PECAM1: variants seen among roughly 807,000 people sequenced by gnomAD.
The protein encoded by PECAM1 is platelet and endothelial cell adhesion molecule 1.
Under a neutral mutation model 13.8 loss-of-function variants are expected in PECAM1, and 8 were observed. The observed-to-expected ratio is 0.58, with a 90% CI of 0.34 to 1.05. The LOEUF (loss-of-function observed/expected upper bound fraction) is 1.05, where lower values mean the gene tolerates loss of function less well. Among genes scored for constraint, PECAM1 ranks in the 50% least tolerant of loss-of-function variants. The pLI is 0.03. For missense variants in PECAM1, 304 were observed against 141.2 expected, an observed-to-expected ratio of 2.15 and a Z score of -5.84; for synonymous variants, 136 against 52.6, an observed-to-expected ratio of 2.58 and a Z score of -6.86.
At position 64,322,044 on chromosome 17, in the gene PECAM1, G is replaced by C; in HGVS notation, c.*1772C>G. The C allele has an allele frequency of 8.6e-7, 1 of 1,164,228 alleles. No individual in the cohort carries two copies. The highest frequency in any genetic ancestry group is 1.1e-6 in the Non-Finnish European group (1 of 920,496). 72.1% of individuals were successfully genotyped at this position (1,164,228 alleles called of 1,614,324 possible). ...GATACAACTCGGTGTGTGTGTGTTG[G>C]GGAAAGGAACCAACAGCTTTCATCA... On this transcript the variant is annotated 3_prime_UTR_variant, in exon 16 of 16. Transcript: ENST00000563924.
At chr17:64,338,651 G>A (rs909201025) in intron 14 of PECAM1, among the ~76,000 whole-genome samples, 4 of 152,100 alleles carry the variant, frequency 2.6e-5, no homozygotes, top group South Asian at 2.1e-4. Context: ...TCTGCCTCCC[G>A]GGTTCAAGCA....
intron 3 of PECAM1, among the ~76,000 whole-genome samples, chr17:64,375,587 A>G (rs2036338643): frequency 6.6e-6 from 1 of 152,036 alleles, no homozygotes; most frequent in African/African-American, 2.4e-5. Flanking sequence ...CTGGAGGCTG[A>G]GGTGGGTGGA....
chr17:64,333,943 C>A (rs370490002), intron 14 of PECAM1, among the ~76,000 whole-genome samples: 191 of 69,554 alleles, frequency 2.7e-3, no homozygotes, highest in African/African-American at 4.4e-3. Context: ...GACCCTGTCT[C>A]AAAAAAAAAA....
At position 64,328,582 on chromosome 17, in the gene PECAM1, T is replaced by C. The variant is rs551026447; in HGVS notation, c.2187+1118A>G. Reference sequence around the variant, plus strand: ...GAAAAAAAACAACCATTCATTTCATTCCTCTTTTCCTTAAATTCATAGCTT... The same window carrying C: ...GAAAAAAAACAACCATTCATTTCATCCCTCTTTTCCTTAAATTCATAGCTT... On this transcript the variant is annotated intron_variant, in intron 15 of 15. Transcript: ENST00000563924. Among the ~76,000 whole-genome samples, 125 of 152,324 alleles carry C rather than the reference T, an allele frequency of 8.2e-4. 1 individual carries two copies. Among genetic ancestry groups the C allele is most frequent in the South Asian group, 7.9e-3 (38 of 4,824 alleles).
chr17:64,380,864 G>A (rs2036466692), intron 2 of PECAM1, among the ~76,000 whole-genome samples: 1 of 152,166 alleles, frequency 6.6e-6, no homozygotes, highest in South Asian at 2.1e-4. Flanking sequence ...GCATGCACCT[G>A]TAATCCCAGC....
Position 64,390,470 on chromosome 17 carries a change from G to A in PECAM1, c.91+19C>T, listed in dbSNP as rs2036692027. 2.1e-6 allele frequency: 1 copy of A among 472,860 alleles called. No homozygotes were observed. Among genetic ancestry groups the A allele is most frequent in the South Asian group, 7.0e-5 (1 of 14,362 alleles). The allele number at this position is 472,860 out of a possible 1,614,324, so 29.3% of individuals were successfully genotyped here. On this transcript the variant is annotated intron_variant, in intron 2 of 15. Transcript: ENST00000563924. ...AAGCCAGGTAGAAACATCTGTTACA[G>A]TGGAAACATCAGACTTACAGTTTTC...
At chr17:64,330,701 A>G (rs2035089758) in intron 14 of PECAM1, among the ~76,000 whole-genome samples, 1 of 151,748 alleles carries the variant, frequency 6.6e-6, no homozygotes, top group South Asian at 2.1e-4. Flanking sequence ...GGAAAGTAGG[A>G]AGTAGCAGAT....
intron 2 of PECAM1, among the ~76,000 whole-genome samples, chr17:64,379,994 C>T (rs1190891032): frequency 5.4e-5 from 8 of 149,028 alleles, no homozygotes; most frequent in African/African-American, 2.0e-4. Flanking sequence ...CAGTGCACTC[C>T]AGCCTAGGTG....
At chr17:64,349,601 A>AAAAAAAAAAAAAAAAC (rs2035665974) in intron 12 of PECAM1, among the ~76,000 whole-genome samples, 1 of 150,158 alleles carries the variant, frequency 6.7e-6, no homozygotes, top group Non-Finnish European at 1.5e-5. Context: ...AAAAAAAAAA[A>AAAAAAAAAAAAAAAAC]AAGAGCCAGG....
At chr17:64,342,389 G>A (rs1351739487) in intron 13 of PECAM1, among the ~76,000 whole-genome samples, 2 of 152,100 alleles carry the variant, frequency 1.3e-5, no homozygotes, top group African/African-American at 4.8e-5. Flanking sequence ...GTCCCTCAAC[G>A]CAGGGTTGGG....
intron 6 of PECAM1, among the ~76,000 whole-genome samples, chr17:64,361,129 A>ATGTGTGTGTGTGTGTGTGTGTGTG (rs145637288): frequency 1.4e-3 from 199 of 137,256 alleles, no homozygotes; most frequent in African/African-American, 5.3e-3. Flanking sequence ...CTGAGCATAT[A>ATGTGTGTGTGTGTGTGTGTGTGTG]TGTGTGTGTG....
rs2036396733 is a variant in PECAM1, at chr17:64,377,776, G to C, written c.385+48C>G. 1.1e-5 allele frequency: 5 copies of C among 474,056 alleles called. No individual in the cohort carries two copies. In the Admixed American group the frequency reaches 1.3e-4, roughly 12 times the overall value. The allele number at this position is 474,056 out of a possible 1,614,324, so 29.4% of individuals were successfully genotyped here. A position where few individuals can be genotyped will look rare whatever the true frequency, so the allele number is the denominator to read the frequency against. ...ATTCACAGCTGTTATTCACGCCACT[G>C]TGTGCTATGCTCCATCTGCTTGCCT... On this transcript the variant is annotated intron_variant, in intron 3 of 15. Coordinates refer to ENST00000563924, the MANE Select transcript of PECAM1 (RefSeq NM_000442.5).
chr17:64,375,991 C>T (rs984748330), intron 3 of PECAM1, among the ~76,000 whole-genome samples: 5 of 152,002 alleles, frequency 3.3e-5, no homozygotes, highest in African/African-American at 1.2e-4. Context: ...GTACACTGCT[C>T]GGGTGATGGG....
intron 4 of PECAM1, among the ~76,000 whole-genome samples, chr17:64,373,054 G>T (rs1360493887): frequency 6.6e-6 from 1 of 151,516 alleles, no homozygotes; most frequent in African/African-American, 2.4e-5. Context: ...GGAGGTTGCG[G>T]TGAGCTGAGA....
chr17:64,375,118 A>T lies in PECAM1; in HGVS notation c.624T>A (p.Ala208=). The change falls in exon 4 of 16, where the codon GCT becomes GCA. Residue 208 remains alanine, a synonymous_variant. Coordinates refer to ENST00000563924, the MANE Select transcript of PECAM1 (RefSeq NM_000442.5). ...QDRVLSFRCQ[A]RIISGIHMQT... ...GCATATGGATCCCAGAAATGATCCT[A>T]GCTTGACATCGGAAGGATAAAACGC... 2.1e-6 allele frequency: 1 copy of T among 475,402 alleles called. No individual in the cohort carries two copies. The highest frequency in any genetic ancestry group is 3.9e-6 in the Non-Finnish European group (1 of 259,050). 29.4% of individuals were successfully genotyped at this position (475,402 alleles called of 1,614,324 possible). A position where few individuals can be genotyped will look rare whatever the true frequency, so the allele number is the denominator to read the frequency against.
chr17:64,352,809 C>T (rs1236952269), intron 10 of PECAM1, among the ~76,000 whole-genome samples: 33 of 152,062 alleles, frequency 2.2e-4, no homozygotes, highest in South Asian at 2.1e-4. Flanking sequence ...CATGCACCAC[C>T]ACGCCCGGCT....
In PECAM1 at chr17:64,339,424, T is replaced by G. The variant is rs2143723176; in HGVS notation, c.2164+2210A>C. On this transcript the variant is annotated intron_variant, in intron 14 of 15. Transcript: ENST00000563924. ...TACTTAGACCACTTAGCACATACAA[T>G]AAGTGCTCAAATAGGAGATTTTGCT... Among the ~76,000 whole-genome samples the G allele has an allele frequency of 1.3e-5, 2 of 152,188 alleles. 1 individual carries two copies. The highest frequency in any genetic ancestry group is 1.3e-4 in the Admixed American group (2 of 15,274).
intron 5 of PECAM1, among the ~76,000 whole-genome samples, chr17:64,365,625 A>C (rs1452614737): frequency 6.6e-6 from 1 of 152,054 alleles, no homozygotes; most frequent in African/African-American, 2.4e-5. Flanking sequence ...CAAAACAGAG[A>C]TATAGATCAA....
At chr17:64,389,168 G>A (rs1489787978) in intron 2 of PECAM1, among the ~76,000 whole-genome samples, 1 of 152,190 alleles carries the variant, frequency 6.6e-6, no homozygotes, top group African/African-American at 2.4e-5. Flanking sequence ...TCCGAGGCTT[G>A]ACTCACCAGC....
Sources: gnomAD v4.1 joint callset for allele counts (sites outside exome capture counted in the v4.1 genomes callset) on GRCh38, gnomAD v4.1.1 for gene constraint, MANE v1.5 for transcripts, NCBI Gene and HGNC (gene_info 2026-07-23, HGNC 2026-07-21) for gene names.